Variants in NOTCH1 observed in about 807,000 individuals in gnomAD.
The protein encoded by NOTCH1 is notch receptor 1, also known as neurogenic locus notch homolog protein 1.
A neutral mutation model predicts 254.8 loss-of-function variants in NOTCH1; 37 were observed. The observed-to-expected ratio is 0.15, with a 90% confidence interval of 0.11 to 0.19. NOTCH1 has a LOEUF of 0.19. Among genes scored for constraint, NOTCH1 ranks in the 10% least tolerant of loss-of-function variants. NOTCH1 has a pLI of 1.00. For missense variants in NOTCH1, 2,972 were observed against 3,708.6 expected (o/e 0.80, Z 5.16); for synonymous variants, 1,731 against 1,618.1 (o/e 1.07, Z -1.68).
rs1842900666 is a variant in NOTCH1 at position 136,495,397 on chromosome 9, A to G, written c.*674T>C. On this transcript the variant is annotated 3_prime_UTR_variant, in exon 34 of 34. Coordinates refer to ENST00000651671, the MANE Select transcript of NOTCH1 (RefSeq NM_017617.5). Reference sequence around the variant, plus strand: ...GCACTCTTGGCATACACACTCCGAGAACACATTTTCACAAGCATGCTTGCA... The same window carrying G: ...GCACTCTTGGCATACACACTCCGAGGACACATTTTCACAAGCATGCTTGCA... The G allele has an allele frequency of 5.0e-6, 2 of 398,892 alleles. No individual in the cohort carries two copies. The highest frequency in any genetic ancestry group is 2.5e-4 in the South Asian group (2 of 7,868). 24.7% of individuals were successfully genotyped at this position (398,892 alleles called of 1,614,324 possible).
At position 136,516,524 on chromosome 9, in the gene NOTCH1, G is replaced by A. The variant is rs184427065; in HGVS notation, c.1556-430C>T. ...GGCCCCTGAGAGTTCCTCCAAGTCC[G>A]CCCCGGGCAGCCATCATCTCCATTG... On this transcript the variant is annotated intron_variant, in intron 9 of 33. Transcript: ENST00000651671. Among the ~76,000 whole-genome samples, 131 of 152,258 alleles carry A rather than the reference G, an allele frequency of 8.6e-4. 4 individuals carry two copies. The East Asian group carries it at 0.022, about 26-fold the overall frequency.
At position 136,515,396 on chromosome 9, in the gene NOTCH1, G is replaced by A. The variant is rs774095593; in HGVS notation, c.1908C>T (p.Pro636=). Residue 636 remains proline, a synonymous_variant, in exon 12 of 34, where the codon CCC becomes CCT. Coordinates refer to ENST00000651671, the MANE Select transcript of NOTCH1 (RefSeq NM_017617.5). ...AGTCATCCAGGTTGATCTCGCAGTT[G>A]GGTCCTGAAGGGGTGGCACGTGTCG... ...LCFCLKGTTG[P]NCEINLDDCA... is the part of the protein sequence containing the mutation. 3.1e-6 allele frequency: 5 copies of A among 1,612,896 alleles called. No individual in the cohort carries two copies. The South Asian group carries it at 5.5e-5, about 18-fold the overall frequency.
chr9:136,531,025 G>T (rs2133388710), intron 2 of NOTCH1, among the ~76,000 whole-genome samples: 1 of 152,366 alleles, frequency 6.6e-6, no homozygotes, highest in African/African-American at 2.4e-5. Context: ...AGGGGCTCCT[G>T]TTCTCCTCTG....
At chr9:136,543,916 G>C in intron 2 of NOTCH1, 108 bp downstream of exon 2, 2 of 1,074,770 alleles carry the variant, frequency 1.9e-6, no homozygotes, top group East Asian at 2.6e-5. Flanking sequence ...CCCAGACTCT[G>C]GGCCATCTCC....
chr9:136,498,443 C>T (rs773682876), intron 33 of NOTCH1, among the ~76,000 whole-genome samples: 15 of 152,296 alleles, frequency 9.8e-5, no homozygotes, highest in South Asian at 6.2e-4. Context: ...CAAGAGGCCC[C>T]GCCCCGCAGG....
Position 136,509,017 on chromosome 9 carries a change from C to T in NOTCH1, c.3024G>A (p.Leu1008=). Residue 1008 remains leucine, a synonymous_variant, in exon 19 of 34, where the codon CTG becomes CTA. Coordinates refer to ENST00000651671, the MANE Select transcript of NOTCH1 (RefSeq NM_017617.5). ...AGCTGCCCGTGAAGCCGGGTGGACA[C>T]AGGCAGGTGAACGAGTTGATGCCGT... ...CVDGINSFTC[L]CPPGFTGSYC... The T allele has an allele frequency of 6.4e-7, 1 of 1,563,408 alleles. No homozygotes were observed.
Position 136,509,846 on chromosome 9 carries a change from G to T in NOTCH1, c.2856C>A (p.Asp952Glu). ...CEEDINECAS[D>E]PCRNGANCTD... ...TGCAGTTGGCCCCGTTGCGGCAGGG[G>T]TCACTGGCACACTCGTTGATGTCCT... The change falls in exon 18 of 34, where the codon GAC becomes GAA. Residue 952 changes from aspartate (D) to glutamate (E), a missense_variant. Asp to Glu is a conservative substitution (Grantham distance 45). Around this residue, in one of 8 missense-constraint regions of NOTCH1, gnomAD observed 1,343 missense variants for 1,557.0 expected, o/e 0.86. Coordinates refer to ENST00000651671, the MANE Select transcript of NOTCH1 (RefSeq NM_017617.5). 1 of 1,613,146 alleles carries T rather than the reference G, an allele frequency of 6.2e-7. No homozygotes were observed. Among genetic ancestry groups the T allele is most frequent in the Non-Finnish European group, 8.5e-7 (1 of 1,180,024 alleles).
rs766105850 is a variant in NOTCH1 at position 136,509,783 on chromosome 9, T to C, written c.2919A>G (p.Ala973=). 4 of 1,612,934 alleles carry C rather than the reference T, an allele frequency of 2.5e-6. No individual in the cohort carries two copies. The highest frequency in any genetic ancestry group is 1.1e-5 in the South Asian group (1 of 91,088). The change falls in exon 18 of 34, where the codon GCA becomes GCG. Residue 973 remains alanine, a synonymous_variant. Coordinates refer to ENST00000651671, the MANE Select transcript of NOTCH1 (RefSeq NM_017617.5). The part of the protein sequence containing the change: ...CVDSYTCTCP[A]GFSGIHCENN... Reference sequence around the variant, plus strand: ...TCTCACAGTGGATCCCGCTGAAGCCTGCGGGGCAGGTGCACGTGTAGCTGT... The same window carrying C: ...TCTCACAGTGGATCCCGCTGAAGCCCGCGGGGCAGGTGCACGTGTAGCTGT...
In NOTCH1 at chr9:136,502,079, C is replaced by T. The variant is rs2133330146; in HGVS notation, c.5394G>A (p.Lys1798=). 1 of 1,613,278 alleles carries T rather than the reference C, an allele frequency of 6.2e-7. No homozygotes were observed. The highest frequency in any genetic ancestry group is 2.2e-5 in the East Asian group (1 of 44,868). The change falls in exon 29 of 34, where the codon AAG becomes AAA. Residue 1798 remains lysine (K), a synonymous_variant. Transcript: ENST00000651671. ...CCATGAGGGCACCGTCTGAAGCGTTCTTCAGGGGCCTGGGGGGTGAGGGGT... is the reference window on the plus strand; with the variant it reads ...CCATGAGGGCACCGTCTGAAGCGTTTTTCAGGGGCCTGGGGGGTGAGGGGT... The part of the protein sequence containing the change: ...GEDSVGLKPL[K]NASDGALMDD...
intron 2 of NOTCH1, among the ~76,000 whole-genome samples, chr9:136,527,253 T>C (rs1034725858): frequency 1.3e-5 from 2 of 152,160 alleles, no homozygotes; most frequent in African/African-American, 4.8e-5. Flanking sequence ...CAGACGTCCC[T>C]GAGAAGGTGG....
chr9:136,529,182 T>A (rs1162160102), intron 2 of NOTCH1, among the ~76,000 whole-genome samples: 1 of 152,150 alleles, frequency 6.6e-6, no homozygotes, highest in Admixed American at 6.5e-5. Flanking sequence ...GGCCCACCCA[T>A]CGGCCTGCCC....
intron 15 of NOTCH1, among the ~76,000 whole-genome samples, chr9:136,511,542 C>CTAGG (rs990907215): frequency 1.3e-5 from 2 of 152,240 alleles, no homozygotes; most frequent in African/African-American, 2.4e-5. Flanking sequence ...GGGGCACAGC[C>CTAGG]TAGGCCTCAC....
chr9:136,517,208 CAG>C lies in NOTCH1; in HGVS notation c.1555+62_1555+63del, dbSNP rs1843289088. On this transcript the variant is annotated intron_variant, in intron 9 of 33. Transcript: ENST00000651671. ...GGGGGCAGGGGACACAACCCACGCC[CAG>C]GCACCCCTCAGGAGGCCAGGGTGCA... 4 of 1,082,756 alleles carry C rather than the reference CAG, an allele frequency of 3.7e-6. No individual in the cohort carries two copies. The South Asian group carries it at 5.4e-5, about 15-fold the overall frequency. The allele number at this position is 1,082,756 out of a possible 1,614,324, so 67.1% of individuals were successfully genotyped here.
In NOTCH1 at chr9:136,505,348, G is replaced by A. The variant is rs199740882; in HGVS notation, c.4548C>T (p.Phe1516=). ...CCGCACGCTGGCAGTCAAAGCCGTC[G>A]AAGAGGCAGCCGGCTGAGTTGCACT... ...DSQCNSAGCL[F]DGFDCQRAEG... Residue 1516 remains phenylalanine, a synonymous_variant, in exon 25 of 34, where the codon TTC becomes TTT. Coordinates refer to ENST00000651671, the MANE Select transcript of NOTCH1 (RefSeq NM_017617.5). The A allele has an allele frequency of 5.1e-5, 81 of 1,603,772 alleles. No individual in the cohort carries two copies. The African/African-American group carries it at 8.4e-4, about 17-fold the overall frequency.
Position 136,496,986 on chromosome 9 carries a change from GGCC to G in NOTCH1, c.6750_6752del (p.Ala2251del). The G allele has an allele frequency of 6.2e-7, 1 of 1,610,524 alleles. No individual in the cohort carries two copies. The highest frequency in any genetic ancestry group is 2.2e-5 in the East Asian group (1 of 44,826). On this transcript the variant is annotated inframe_deletion, in exon 34 of 34. Transcript: ENST00000651671. ...CACCCAGCGCCGCCATCTCGGGCTT[GGCC>G]GCCACGTTCAGGTGCCCGATGCCCA...
intron 2 of NOTCH1, among the ~76,000 whole-genome samples, chr9:136,529,753 T>C (rs1260331754): frequency 6.6e-6 from 1 of 152,230 alleles, no homozygotes; most frequent in Non-Finnish European, 1.5e-5. Flanking sequence ...CTTTCTTCCC[T>C]TTCTGCTCCC....
Position 136,502,452 on chromosome 9 carries a change from T to C in NOTCH1, c.5204A>G (p.His1735Arg), listed in dbSNP as rs770247326. ...GGCGGCCGCCGCCACGTACATGAAG[T>C]GCAGCTGCGCCGGCGGGGGCGGCTC... Reference protein sequence around the residue: ...TVEPPPPAQLHFMYVAAAAFV... With the variant: ...TVEPPPPAQLRFMYVAAAAFV... Residue 1735 changes from histidine to arginine, a missense_variant, in exon 28 of 34, where the codon CAC becomes CGC. Transcript: ENST00000651671. 3 of 1,599,628 alleles carry C rather than the reference T, an allele frequency of 1.9e-6. No homozygotes were observed. The South Asian group carries it at 3.3e-5, about 18-fold the overall frequency.
At chr9:136,519,690 G>T in intron 4 of NOTCH1, 125 bp from the exon 5 acceptor site, 1 of 1,371,106 alleles carries the variant, frequency 7.3e-7, no homozygotes, top group Admixed American at 1.7e-5. Context: ...GGCCCCCGGG[G>T]TCTGTGCCCG....
intron 12 of NOTCH1, 25 bp from the exon 13 acceptor site, chr9:136,514,727 C>T (rs374739676): frequency 2.7e-5 from 43 of 1,605,982 alleles, no homozygotes; most frequent in Admixed American, 2.2e-4. Flanking sequence ...GGTCAGACTC[C>T]GAGGCCCAGC....
Sources: allele counts gnomAD v4.1 joint callset (sites outside exome capture counted in the v4.1 genomes callset), GRCh38; gene constraint gnomAD v4.1.1; regional missense constraint gnomAD v4.1.1; transcripts MANE v1.5; gene names NCBI Gene and HGNC (gene_info 2026-07-23, HGNC 2026-07-21).